SYT9: variants seen among roughly 807,000 people sequenced by gnomAD.
SYT9 encodes the protein synaptotagmin 9.
SYT9 carries 22 observed loss-of-function variants against 48.4 expected under a neutral mutation model. The ratio of observed to expected loss-of-function variants is 0.45; its 90% CI spans 0.32 to 0.65. SYT9 has a LOEUF of 0.65. Ranked by LOEUF, SYT9 falls within the 30% of genes least tolerant of loss-of-function variation. SYT9 has a pLI of 0.03. For synonymous variants in SYT9, 265 were observed against 245.0 expected (o/e 1.08, Z -0.76); for missense variants, 577 against 622.0 (o/e 0.93, Z 0.77).
intron 6 of SYT9, 24 bp from the exon 7 acceptor site, chr11:7,466,767 AT>A (rs1210036962): frequency 1.0e-5 from 16 of 1,605,594 alleles, no homozygotes; most frequent in Non-Finnish European, 1.3e-5. Context: ...AAGCCAAATT[AT>A]TTTTTTGTTT....
At chr11:7,301,154 G>A (rs1027817457) in intron 1 of SYT9, among the ~76,000 whole-genome samples, 6 of 152,064 alleles carry the variant, frequency 3.9e-5, no homozygotes, top group Non-Finnish European at 7.3e-5. Flanking sequence ...CCATTTCTGC[G>A]GGATTTGAGG....
At chr11:7,324,952 A>G (rs1007833222) in intron 3 of SYT9, among the ~76,000 whole-genome samples, 2 of 152,024 alleles carry the variant, frequency 1.3e-5, no homozygotes, top group African/African-American at 4.8e-5. Flanking sequence ...TGGATTTTCA[A>G]TTTCATCTTT....
intron 3 of SYT9, among the ~76,000 whole-genome samples, chr11:7,317,627 T>G (rs1849265166): frequency 1.3e-5 from 2 of 152,218 alleles, no homozygotes; most frequent in East Asian, 3.8e-4. Flanking sequence ...CACTGGGGAT[T>G]AGGGTTTCAA....
intron 1 of SYT9, among the ~76,000 whole-genome samples, chr11:7,261,403 A>G: frequency 6.6e-6 from 1 of 152,142 alleles, no homozygotes; most frequent in Admixed American, 6.5e-5. Flanking sequence ...ATATTTATTG[A>G]GCATCTACTA....
intron 3 of SYT9, among the ~76,000 whole-genome samples, chr11:7,385,256 A>G (rs1850634986): frequency 6.6e-6 from 1 of 152,074 alleles, no homozygotes; most frequent in African/African-American, 2.4e-5. Flanking sequence ...CCAGAGTACC[A>G]GGTACTCTGG....
intron 6 of SYT9, chr11:7,440,712 T>A (rs1047149394): frequency 6.6e-6 from 1 of 152,220 alleles, no homozygotes; most frequent in Non-Finnish European, 1.5e-5. Context: ...GTAGTGGACT[T>A]ACAAGAATAG....
chr11:7,312,664 T>C (rs1473979056), intron 2 of SYT9, among the ~76,000 whole-genome samples: 2 of 152,230 alleles, frequency 1.3e-5, no homozygotes, highest in Non-Finnish European at 2.9e-5. Context: ...CATCTCCAGT[T>C]GAATCCCTAC....
chr11:7,266,508 A>T (rs186897786), intron 1 of SYT9, among the ~76,000 whole-genome samples: 14 of 152,206 alleles, frequency 9.2e-5, no homozygotes, highest in African/African-American at 3.4e-4. Context: ...TCTGGGGGAA[A>T]ATCTAATCCC....
rs941908194 is a variant in SYT9 at position 7,342,076 on chromosome 11, G to A, written c.1044+28135G>A. Among the ~76,000 whole-genome samples the A allele has an allele frequency of 4.6e-5, 7 of 152,178 alleles. No homozygotes were observed. In the East Asian group the frequency reaches 1.4e-3, roughly 29 times the overall value. ...CCCATGATTCAATTATCTCCCACCA[G>A]GTCCCTCCCCCAGCATGTGGAAATT... On this transcript the variant is annotated intron_variant, in intron 3 of 6. Transcript: ENST00000318881.
chr11:7,245,689 A>G (rs1337704551), intron 1 of SYT9, among the ~76,000 whole-genome samples: 1 of 152,230 alleles, frequency 6.6e-6, no homozygotes, highest in East Asian at 1.9e-4. Flanking sequence ...TTCTTACTGT[A>G]TCATCACATC....
chr11:7,379,058 G>A (rs1356365474), intron 3 of SYT9, among the ~76,000 whole-genome samples: 1 of 152,044 alleles, frequency 6.6e-6, no homozygotes, highest in African/African-American at 2.4e-5. Flanking sequence ...TTTTCTTATT[G>A]AGTATTGGTA....
chr11:7,447,491 C>T (rs1323088576), intron 6 of SYT9, among the ~76,000 whole-genome samples: 1 of 152,216 alleles, frequency 6.6e-6, no homozygotes, highest in Non-Finnish European at 1.5e-5. Context: ...TCTGCGATAG[C>T]TACACAAAGC....
intron 3 of SYT9, among the ~76,000 whole-genome samples, chr11:7,386,218 A>T (rs73399539): frequency 0.017 from 2,602 of 152,276 alleles, 72 homozygotes; most frequent in African/African-American, 0.059. Context: ...AGGCAATGCC[A>T]TTCAGTACAT....
intron 3 of SYT9, among the ~76,000 whole-genome samples, chr11:7,369,941 T>C (rs753063650): frequency 3.3e-5 from 5 of 152,092 alleles, no homozygotes; most frequent in Non-Finnish European, 5.9e-5. Context: ...ACAGGTGATA[T>C]CTGGTTACAT....
chr11:7,344,893 C>T (rs1054633679), intron 3 of SYT9, among the ~76,000 whole-genome samples: 1 of 150,560 alleles, frequency 6.6e-6, no homozygotes, highest in Non-Finnish European at 1.5e-5. Flanking sequence ...AGGTCTTTTG[C>T]ATTTCCATAT....
chr11:7,462,001 A>T (rs1168250892), intron 6 of SYT9, among the ~76,000 whole-genome samples: 1 of 152,220 alleles, frequency 6.6e-6, no homozygotes, highest in Non-Finnish European at 1.5e-5. Flanking sequence ...CTCAAGGTCT[A>T]CTTGACGGTG....
chr11:7,404,699 A>G (rs11829023), intron 3 of SYT9, among the ~76,000 whole-genome samples: 4 of 152,048 alleles, frequency 2.6e-5, no homozygotes, highest in African/African-American at 7.3e-5. Context: ...GATTATGTGC[A>G]TATCCCTAAA....
intron 1 of SYT9, among the ~76,000 whole-genome samples, chr11:7,271,764 G>A (rs1409081910): frequency 6.6e-6 from 1 of 152,074 alleles, no homozygotes; most frequent in African/African-American, 2.4e-5. Context: ...TTTTAGTAGA[G>A]GTGGGGTTTC....
intron 1 of SYT9, among the ~76,000 whole-genome samples, chr11:7,268,179 T>C (rs1391952287): frequency 6.6e-6 from 1 of 152,046 alleles, no homozygotes; most frequent in South Asian, 2.1e-4. Context: ...AAGTTGTCAT[T>C]GCAACAAAAG....
Sources: gnomAD v4.1 joint callset for allele counts (sites outside exome capture counted in the v4.1 genomes callset) on GRCh38, gnomAD v4.1.1 for gene constraint, MANE v1.5 for transcripts, NCBI Gene and HGNC (gene_info 2026-07-23, HGNC 2026-07-21) for gene names.